Variants in RBFOX2 observed in about 807,000 individuals in gnomAD.
RBFOX2 encodes the protein RNA binding protein fox-1 homolog 2.
A neutral mutation model predicts 49.1 loss-of-function variants in RBFOX2; 10 were observed. The ratio of observed to expected loss-of-function variants is 0.20; its 90% CI spans 0.13 to 0.35. The LOEUF (loss-of-function observed/expected upper bound fraction) is 0.35, where lower values mean the gene tolerates loss of function less well. Among genes scored for constraint, RBFOX2 ranks in the 10% least tolerant of loss-of-function variants. The pLI, the probability that RBFOX2 is intolerant of heterozygous loss-of-function variation, is 1.00. For synonymous variants in RBFOX2, 183 were observed against 187.4 expected (o/e 0.98, Z 0.19); for missense variants, 323 against 486.9 (o/e 0.66, Z 3.17).
intron 2 of RBFOX2, among the ~76,000 whole-genome samples, chr22:35,785,158 C>T (rs963299419): frequency 1.3e-5 from 2 of 152,060 alleles, no homozygotes; most frequent in African/African-American, 2.4e-5. Flanking sequence ...CCATCACACC[C>T]GGCTGAATAT....
intron 1 of RBFOX2, among the ~76,000 whole-genome samples, chr22:35,811,006 G>A (rs1467946731): frequency 2.0e-5 from 3 of 152,158 alleles, no homozygotes; most frequent in Non-Finnish European, 4.4e-5. Context: ...TAAGAGAATG[G>A]TAGTGACCTA....
chr22:35,835,693 G>T (rs547601351), intron 1 of RBFOX2, among the ~76,000 whole-genome samples: 131 of 152,216 alleles, frequency 8.6e-4, no homozygotes, highest in Non-Finnish European at 1.3e-3. Context: ...GGCCAAAAAA[G>T]AAAGAGAAAA....
At chr22:35,906,745 G>T (rs1345051520) in intron 1 of RBFOX2, among the ~76,000 whole-genome samples, 2 of 152,088 alleles carry the variant, frequency 1.3e-5, no homozygotes, top group Non-Finnish European at 2.9e-5. Context: ...AACCCAGGAA[G>T]TGGAGGCTGC....
At chr22:35,925,016 T>A (rs1227419252) in intron 1 of RBFOX2, among the ~76,000 whole-genome samples, 1 of 151,466 alleles carries the variant, frequency 6.6e-6, no homozygotes, top group African/African-American at 2.4e-5. Context: ...CCATCTCTAC[T>A]AAAATAAATA....
chr22:35,962,410 T>C (rs2056286899), upstream of RBFOX2, among the ~76,000 whole-genome samples: 1 of 152,178 alleles, frequency 6.6e-6, no homozygotes, highest in East Asian at 1.9e-4. Flanking sequence ...AGGGATATTA[T>C]AAGAATTACT....
At chr22:35,814,594 C>A (rs928005667) in intron 1 of RBFOX2, among the ~76,000 whole-genome samples, 7 of 150,448 alleles carry the variant, frequency 4.7e-5, no homozygotes, top group Middle Eastern at 3.5e-3. Flanking sequence ...GCCTGTAGTC[C>A]CAGTTGCTCA....
chr22:35,990,180 T>TAAAAAC (rs1187600619), intron 1 of RBFOX2, among the ~76,000 whole-genome samples: 3 of 152,012 alleles, frequency 2.0e-5, no homozygotes, highest in Non-Finnish European at 4.4e-5. Flanking sequence ...AGACTCTGTC[T>TAAAAAC]AAAAACAAAA....
At chr22:35,811,835 T>C (rs528223988) in intron 1 of RBFOX2, among the ~76,000 whole-genome samples, 19 of 150,910 alleles carry the variant, frequency 1.3e-4, no homozygotes, top group Non-Finnish European at 2.8e-4. Flanking sequence ...CATGGTGGTA[T>C]GTGTAGTCCC....
intron 1 of RBFOX2, among the ~76,000 whole-genome samples, chr22:35,969,790 T>C (rs1424768455): frequency 6.6e-6 from 1 of 152,244 alleles, no homozygotes; most frequent in Non-Finnish European, 1.5e-5. Flanking sequence ...AGTTTCTTTC[T>C]GAGAAGGGTT....
chr22:35,989,516 C>A (rs1282102414), intron 1 of RBFOX2, among the ~76,000 whole-genome samples: 1 of 151,980 alleles, frequency 6.6e-6, no homozygotes, highest in African/African-American at 2.4e-5. Context: ...ACCAGAACTG[C>A]AATGGGCTCA....
rs1413810857 is a variant in RBFOX2, at chr22:35,891,294, C to T, written c.-34+47553G>A. On this transcript the variant is annotated intron_variant, in intron 1 of 13. Transcript: ENST00000359369. ...GACTACAGGTGCGTGCCACCATGCCCAGCTAATTGTTTGTATTTTTAGTAG... is the reference window on the plus strand; with the variant it reads ...GACTACAGGTGCGTGCCACCATGCCTAGCTAATTGTTTGTATTTTTAGTAG... Among the ~76,000 whole-genome samples the T allele has an allele frequency of 2.0e-5, 3 of 152,052 alleles. No individual in the cohort carries two copies. The East Asian group carries it at 5.8e-4, about 29-fold the overall frequency.
At chr22:36,026,198 G>A (rs971165876) in intron 1 of RBFOX2, among the ~76,000 whole-genome samples, 1 of 151,582 alleles carries the variant, frequency 6.6e-6, no homozygotes, top group African/African-American at 2.4e-5. Context: ...CCCAGAGGTG[G>A]AGGTGGAGGT....
intron 1 of RBFOX2, among the ~76,000 whole-genome samples, chr22:35,937,164 T>G (rs2053176046): frequency 6.6e-6 from 1 of 152,210 alleles, no homozygotes; most frequent in Admixed American, 6.5e-5. Context: ...AATCTTACAC[T>G]TACCCAATCA....
In RBFOX2 at chr22:35,772,806, C is replaced by T. The variant is rs141034221; in HGVS notation, c.454-4457G>A. Among the ~76,000 whole-genome samples, 1,228 of 152,222 alleles carry T rather than the reference C, an allele frequency of 8.1e-3. 53 individuals carry two copies. Among genetic ancestry groups the T allele is most frequent in the Admixed American group, 0.073 (1,114 of 15,282 alleles). Reference sequence around the variant, plus strand: ...ACATATAGGAGCCAAGTAACTGTCACCTTTTTAGTCTGGCCTCAGACTGCA... The same window carrying T: ...ACATATAGGAGCCAAGTAACTGTCATCTTTTTAGTCTGGCCTCAGACTGCA... On this transcript the variant is annotated intron_variant, in intron 4 of 11. Coordinates refer to ENST00000405409, the Ensembl canonical transcript of RBFOX2.
intron 1 of RBFOX2, among the ~76,000 whole-genome samples, chr22:36,002,449 T>C (rs186389217): frequency 3.3e-5 from 5 of 152,366 alleles, no homozygotes; most frequent in South Asian, 2.1e-4. Context: ...ATTAGATTGA[T>C]TGGCAAAACA....
At chr22:35,790,823 C>A (rs1947443277) in intron 2 of RBFOX2, among the ~76,000 whole-genome samples, 1 of 151,596 alleles carries the variant, frequency 6.6e-6, no homozygotes, top group Admixed American at 6.6e-5. Context: ...CCTGAACAAC[C>A]CTGGTGAAAC....
intron 1 of RBFOX2, chr22:35,992,451 C>G (rs1324216467): frequency 6.6e-6 from 1 of 152,182 alleles, no homozygotes; most frequent in Non-Finnish European, 1.5e-5. Context: ...ATCCATTCAT[C>G]TAGCCCGGCA....
chr22:35,951,728 T>C (rs2054964901), intron 1 of RBFOX2, among the ~76,000 whole-genome samples: 1 of 152,202 alleles, frequency 6.6e-6, no homozygotes, highest in Non-Finnish European at 1.5e-5. Context: ...TAAAACCCTG[T>C]GATATATCAC....
chr22:35,773,329 G>A (rs999938293), intron 4 of RBFOX2, among the ~76,000 whole-genome samples: 1 of 151,968 alleles, frequency 6.6e-6, no homozygotes, highest in Non-Finnish European at 1.5e-5. Context: ...CCTAACTACA[G>A]CCTAAACTTA....
Sources: gnomAD v4.1 joint callset for allele counts (sites outside exome capture counted in the v4.1 genomes callset) on GRCh38, gnomAD v4.1.1 for gene constraint, MANE v1.5 for transcripts, NCBI Gene and HGNC (gene_info 2026-07-23, HGNC 2026-07-21) for gene names.